CAPN2: variants seen among roughly 807,000 people sequenced by gnomAD.
CAPN2 encodes the protein calpain-2 catalytic subunit.
Under a neutral mutation model 102.3 loss-of-function variants are expected in CAPN2, and 92 were observed. The ratio of observed to expected loss-of-function variants is 0.90; its 90% CI spans 0.76 to 1.07. The LOEUF is 1.07. CAPN2 is among the 50% of genes least tolerant of loss of function. The probability of loss-of-function intolerance (pLI) is 0.00; values close to 1 mark genes in which losing one functional copy is unlikely to be tolerated. For missense variants in CAPN2, 800 were observed against 909.4 expected (o/e 0.88, Z 1.55); for synonymous variants, 340 against 355.4 (o/e 0.96, Z 0.49).
At chr1:223,768,481 A>G (rs36049495) in intron 16 of CAPN2, among the ~76,000 whole-genome samples, 285 of 152,226 alleles carry the variant, frequency 1.9e-3, no homozygotes, top group Non-Finnish European at 3.4e-3. Context: ...TCTCAGGTTT[A>G]TCAAAGATCA....
At chr1:223,716,829 A>G (rs1472567671) in intron 1 of CAPN2, among the ~76,000 whole-genome samples, 1 of 152,084 alleles carries the variant, frequency 6.6e-6, no homozygotes, top group Non-Finnish European at 1.5e-5. Flanking sequence ...GTTGGCTTCC[A>G]TCAGGCTGCT....
chr1:223,770,237 G>T (rs1661437876), intron 17 of CAPN2: 1 of 592,890 alleles, frequency 1.7e-6, no homozygotes, highest in Non-Finnish European at 3.0e-6. Flanking sequence ...GGCGTTGGCT[G>T]GCTGATTTGA....
intron 9 of CAPN2, among the ~76,000 whole-genome samples, chr1:223,753,898 A>C (rs553509384): frequency 2.0e-4 from 31 of 152,356 alleles, no homozygotes; most frequent in African/African-American, 6.5e-4. Context: ...AAATATTCCA[A>C]AATCCAAAAA....
intron 2 of CAPN2, among the ~76,000 whole-genome samples, chr1:223,737,331 G>A (rs902843515): frequency 1.1e-4 from 16 of 152,218 alleles, no homozygotes; most frequent in East Asian, 1.9e-4. Flanking sequence ...TGTCAAGCCC[G>A]TGGTCAGGAC....
At chr1:223,757,759 G>A (rs546715166) in intron 11 of CAPN2, 17 of 265,166 alleles carry the variant, frequency 6.4e-5, no homozygotes, top group South Asian at 3.7e-4. Context: ...AGAAGACAAC[G>A]CGGGAGCACA....
rs1049126913 is a variant in CAPN2 at position 223,731,350 on chromosome 1, A to G, written c.308-12750A>G. 6.6e-6 allele frequency among the ~76,000 whole-genome samples: 1 copy of G among 152,006 alleles called. No individual in the cohort carries two copies. Among genetic ancestry groups the G allele is most frequent in the African/African-American group, 2.4e-5 (1 of 41,366 alleles). On this transcript the variant is annotated intron_variant, in intron 2 of 20. Coordinates refer to ENST00000295006, the MANE Select transcript of CAPN2 (RefSeq NM_001748.5). This position sits in a 1 kb window ranked among gnomAD's most constrained non-coding sequence, Gnocchi z 4.2. Reference sequence around the variant, plus strand: ...CTAGCCCCAGCCCTCTCCAGTTCCCAATGCCCAGCCCCACAATGCCCGTCC... The same window carrying G: ...CTAGCCCCAGCCCTCTCCAGTTCCCGATGCCCAGCCCCACAATGCCCGTCC...
intron 12 of CAPN2, among the ~76,000 whole-genome samples, chr1:223,760,471 A>T (rs901285477): frequency 1.3e-5 from 2 of 152,204 alleles, no homozygotes; most frequent in African/African-American, 4.8e-5. Flanking sequence ...CTGCATACCA[A>T]TGAATGCCAC....
rs12036573 is a variant in CAPN2 at position 223,734,821 on chromosome 1, T to G, written c.308-9279T>G. ...CAATGCTTTGCATATTTTTTTCATTTAATTCTCAGTGCCATGAGACAGTCT... is the reference window on the plus strand; with the variant it reads ...CAATGCTTTGCATATTTTTTTCATTGAATTCTCAGTGCCATGAGACAGTCT... On this transcript the variant is annotated intron_variant, in intron 2 of 20. Transcript: ENST00000295006. Among the ~76,000 whole-genome samples the G allele has an allele frequency of 4.8e-3, 730 of 152,298 alleles. 35 individuals are homozygous for G. In the East Asian group the frequency reaches 0.11, roughly 24 times the overall value.
intron 11 of CAPN2, chr1:223,758,971 G>A (rs1303591356): frequency 2.5e-5 from 10 of 398,338 alleles, no homozygotes; most frequent in Non-Finnish European, 3.8e-5. Flanking sequence ...TATTACAGGC[G>A]TGAGCCACCA....
intron 20 of CAPN2, among the ~76,000 whole-genome samples, chr1:223,773,749 T>C (rs574606972): frequency 2.6e-5 from 4 of 151,694 alleles, no homozygotes; most frequent in African/African-American, 9.7e-5. Flanking sequence ...TACGTTACTC[T>C]GGAGGCTGAG....
rs376570741 is a variant in CAPN2, at chr1:223,749,131, C to A, written c.813+9C>A. ...TCACCGGAGCCGAGGAGGTAACGGCCGGCGCGGATGTGCAGGGGTCCTGCT... is the reference window on the plus strand; with the variant it reads ...TCACCGGAGCCGAGGAGGTAACGGCAGGCGCGGATGTGCAGGGGTCCTGCT... On this transcript the variant is annotated intron_variant, in intron 6 of 20. Coordinates refer to ENST00000295006, the MANE Select transcript of CAPN2 (RefSeq NM_001748.5). 54 of 1,612,998 alleles carry A rather than the reference C, an allele frequency of 3.3e-5. No homozygotes were observed. The highest frequency in any genetic ancestry group is 2.1e-4 in the African/African-American group (16 of 74,916).
chr1:223,765,620 T>G (rs745325966), intron 15 of CAPN2, among the ~76,000 whole-genome samples: 8 of 150,950 alleles, frequency 5.3e-5, no homozygotes, highest in Non-Finnish European at 1.2e-4. Flanking sequence ...CTTACTACCC[T>G]ACCCCTAGCT....
chr1:223,752,175 C>T, intron 8 of CAPN2, 104 bp downstream of exon 8: 1 of 784,420 alleles, frequency 1.3e-6, no homozygotes, highest in Non-Finnish European at 2.2e-6. Context: ...TTTACCATGT[C>T]GAGGACACAA....
intron 2 of CAPN2, among the ~76,000 whole-genome samples, chr1:223,742,215 AC>A (rs1388527493): frequency 6.6e-6 from 1 of 151,890 alleles, no homozygotes; most frequent in Non-Finnish European, 1.5e-5. Context: ...ACATGGGGAA[AC>A]CCTGTCTCTA....
chr1:223,726,288 C>G lies in CAPN2; in HGVS notation c.307+8457C>G, dbSNP rs1018121821. On this transcript the variant is annotated intron_variant, in intron 2 of 20. Transcript: ENST00000295006. This position sits in a 1 kb window ranked among gnomAD's most constrained non-coding sequence, Gnocchi z 4.4. ...TCTTCTGTGGGGTCTGTGATGAGAG[C>G]AGGGATGGGGAGGAAGAGGGTGGGT... Among the ~76,000 whole-genome samples the G allele has an allele frequency of 3.0e-4, 45 of 152,056 alleles. No individual in the cohort carries two copies. The highest frequency in any genetic ancestry group is 8.8e-5 in the Non-Finnish European group (6 of 68,004).
At chr1:223,749,207 G>A (rs889555861) in intron 6 of CAPN2, 85 bp downstream of exon 6, 14 of 1,223,936 alleles carry the variant, frequency 1.1e-5, no homozygotes, top group African/African-American at 1.5e-5. Context: ...CCAGGGGCCC[G>A]CGCGGCCCCA....
intron 1 of CAPN2, among the ~76,000 whole-genome samples, chr1:223,705,473 G>A (rs1659582418): frequency 6.6e-6 from 1 of 152,182 alleles, no homozygotes; most frequent in Non-Finnish European, 1.5e-5. Flanking sequence ...ATTTCGATGT[G>A]GGAGGGACTT....
At chr1:223,717,931 C>T (rs1659924650) in intron 2 of CAPN2, 100 bp downstream of exon 2, 4 of 873,418 alleles carry the variant, frequency 4.6e-6, no homozygotes, top group Non-Finnish European at 7.6e-6. Flanking sequence ...TCCCAAGCAG[C>T]TTGGCAATTT....
rs1660326300 is a variant in CAPN2, at chr1:223,731,178, A to G, written c.308-12922A>G. On this transcript the variant is annotated intron_variant, in intron 2 of 20. Coordinates refer to ENST00000295006, the MANE Select transcript of CAPN2 (RefSeq NM_001748.5). The surrounding 1 kb of genome is among the most constrained non-coding windows in gnomAD (Gnocchi z 4.2). Reference sequence around the variant, plus strand: ...GGTTTCCCACAAAGAGGAAGCAGGGAGTGATTCATTCTGAAAAAGGCAAAT... The same window carrying G: ...GGTTTCCCACAAAGAGGAAGCAGGGGGTGATTCATTCTGAAAAAGGCAAAT... 6.6e-6 allele frequency among the ~76,000 whole-genome samples: 1 copy of G among 152,182 alleles called. No homozygotes were observed. Among genetic ancestry groups the G allele is most frequent in the Non-Finnish European group, 1.5e-5 (1 of 68,032 alleles).
Sources: allele counts gnomAD v4.1 joint callset (sites outside exome capture counted in the v4.1 genomes callset), GRCh38; gene constraint gnomAD v4.1.1; non-coding constraint Gnocchi (gnomAD v3.1); transcripts MANE v1.5; gene names NCBI Gene and HGNC (gene_info 2026-07-23, HGNC 2026-07-21).